The following OTOGL variants were observed in gnomAD, a reference collection of about 807,000 sequenced individuals.
OTOGL encodes the protein otogelin like.
Under a neutral mutation model 318.5 loss-of-function variants are expected in OTOGL, and 285 were observed. That is an observed-to-expected ratio of 0.89 (90% CI 0.81 to 0.99). The LOEUF is 0.99. Ranked by LOEUF, OTOGL falls within the 50% of genes least tolerant of loss-of-function variation. The pLI is 0.00. For missense variants in OTOGL, 2,899 were observed against 2,845.6 expected, an observed-to-expected ratio of 1.02 and a Z score of -0.43; for synonymous variants, 987 against 936.5, an observed-to-expected ratio of 1.05 and a Z score of -0.99.
chr12:80,237,740 C>T (rs141309720), intron 9 of OTOGL, among the ~76,000 whole-genome samples: 1 of 152,286 alleles, frequency 6.6e-6, no homozygotes, highest in African/African-American at 2.4e-5. Flanking sequence ...AGCATTCTTA[C>T]AGATAATAAA....
At chr12:80,255,659 A>C (rs902789848) in intron 16 of OTOGL, among the ~76,000 whole-genome samples, 1 of 151,940 alleles carries the variant, frequency 6.6e-6, no homozygotes, top group Non-Finnish European at 1.5e-5. Flanking sequence ...TGAATTTCTT[A>C]ACATATTGGA....
chr12:80,217,665 G>A lies in OTOGL; in HGVS notation c.235+1G>A. 1 of 1,523,666 alleles carries A rather than the reference G, an allele frequency of 6.6e-7. No individual in the cohort carries two copies. Among genetic ancestry groups the A allele is most frequent in the Non-Finnish European group, 8.9e-7 (1 of 1,123,672 alleles). 94.4% of individuals were successfully genotyped at this position (1,523,666 alleles called of 1,614,324 possible). A position where few individuals can be genotyped will look rare whatever the true frequency, so the allele number is the denominator to read the frequency against. ...AATTGGGGTGAGAGCAAAATAAAAG[G>A]TCAGTGTTTATACTTAGGTTTTCAT... On this transcript the variant is annotated splice_donor_variant, in intron 5 of 58. Coordinates refer to ENST00000547103, the MANE Select transcript of OTOGL (RefSeq NM_001378609.3). LOFTEE classifies it high-confidence loss of function.
At chr12:80,265,284 AT>A (rs377037860) in intron 20 of OTOGL, 74 bp downstream of exon 20, 45 of 1,364,112 alleles carry the variant, frequency 3.3e-5, no homozygotes, top group Non-Finnish European at 4.6e-5. Context: ...GACTGCTTTT[AT>A]TTTTTAAATG....
chr12:80,356,953 G>T, intron 49 of OTOGL, 39 bp downstream of exon 49: 1 of 1,301,888 alleles, frequency 7.7e-7, no homozygotes, highest in Non-Finnish European at 1.0e-6. Flanking sequence ...AGAAGAGAAA[G>T]GATCTAGGAA....
chr12:80,305,664 G>A lies in OTOGL; in HGVS notation c.3302G>A (p.Arg1101Gln), dbSNP rs766285122. 7.6e-6 allele frequency: 12 copies of A among 1,573,654 alleles called. No homozygotes were observed. In the African/African-American group the frequency reaches 8.1e-5, roughly 11 times the overall value. Reference sequence around the variant, plus strand: ...AATAACTTGGAAGTGAGAAATGCTCGGGTATTTGGAGATAGTTGGGCATTA... The same window carrying A: ...AATAACTTGGAAGTGAGAAATGCTCAGGTATTTGGAGATAGTTGGGCATTA... Reference protein sequence around the residue: ...TSNNLEVRNARVFGDSWALGQ... With the variant: ...TSNNLEVRNAQVFGDSWALGQ... The change falls in exon 29 of 59, where the codon CGG becomes CAG. Residue 1101 changes from arginine to glutamine, a missense_variant. By Grantham distance (43) the Arg-to-Gln change is conservative. Coordinates refer to ENST00000547103, the MANE Select transcript of OTOGL (RefSeq NM_001378609.3).
chr12:80,148,858 C>A (rs1010862287), intron 1 of OTOGL, among the ~76,000 whole-genome samples: 3 of 152,214 alleles, frequency 2.0e-5, no homozygotes, highest in African/African-American at 7.2e-5. Context: ...GCTCCTGAGG[C>A]TTCTGCATTC....
intron 55 of OTOGL, among the ~76,000 whole-genome samples, chr12:80,369,926 A>T (rs1312567841): frequency 6.6e-6 from 1 of 152,100 alleles, no homozygotes; most frequent in Non-Finnish European, 1.5e-5. Context: ...ATAAAATAAA[A>T]ATATAGATTA....
intron 57 of OTOGL, among the ~76,000 whole-genome samples, chr12:80,374,066 G>T (rs916742361): frequency 3.3e-5 from 5 of 152,144 alleles, no homozygotes; most frequent in African/African-American, 1.2e-4. Context: ...AGTTTGCAGG[G>T]CTGCTGTAAC....
chr12:80,341,205 A>G (rs530626145), intron 43 of OTOGL, among the ~76,000 whole-genome samples: 1 of 152,230 alleles, frequency 6.6e-6, no homozygotes, highest in African/African-American at 2.4e-5. Context: ...GGTGAAGAGT[A>G]AGCTCATCCT....
chr12:80,354,702 G>T (rs1032125873), intron 46 of OTOGL, among the ~76,000 whole-genome samples: 1 of 152,276 alleles, frequency 6.6e-6, no homozygotes, highest in South Asian at 2.1e-4. Flanking sequence ...ATCTGTGGAA[G>T]ACTTTGAGAA....
chr12:80,223,266 TATATATGTATATATATATGGC>T (rs766712304), intron 7 of OTOGL, among the ~76,000 whole-genome samples: 4 of 152,026 alleles, frequency 2.6e-5, no homozygotes, highest in Non-Finnish European at 5.9e-5. Context: ...TGTGTATGTA[TATATATGTATATATATATGGC>T]ATATATGTAT....
At chr12:80,347,646 G>C (rs962906816) in intron 44 of OTOGL, among the ~76,000 whole-genome samples, 1 of 152,096 alleles carries the variant, frequency 6.6e-6, no homozygotes, top group Non-Finnish European at 1.5e-5. Flanking sequence ...CCAGTAATGG[G>C]ATTGCTGGGT....
At chr12:80,366,531 A>ATAT (rs60847056) in intron 52 of OTOGL, 43 bp from the exon 53 acceptor site, 47 of 360,494 alleles carry the variant, frequency 1.3e-4, no homozygotes, top group South Asian at 2.2e-4. Flanking sequence ...ATATATATAT[A>ATAT]AAATAAGCTA....
At chr12:80,356,083 G>C in intron 47 of OTOGL, 135 bp downstream of exon 47, 1 of 997,396 alleles carries the variant, frequency 1.0e-6, no homozygotes. Context: ...AGCAAGTTTT[G>C]TTTCATTACA....
At chr12:80,242,216 T>A (rs1344562949) in intron 11 of OTOGL, among the ~76,000 whole-genome samples, 1 of 152,186 alleles carries the variant, frequency 6.6e-6, no homozygotes, top group Non-Finnish European at 1.5e-5. Flanking sequence ...TTTTGTCTTT[T>A]GAAATGTTGA....
intron 35 of OTOGL, 147 bp from the exon 36 acceptor site, chr12:80,328,518 C>T: frequency 1.6e-6 from 1 of 621,982 alleles, no homozygotes; most frequent in Non-Finnish European, 2.8e-6. Context: ...AACGAAGTAG[C>T]AGATGGAGCA....
intron 23 of OTOGL, 42 bp from the exon 24 acceptor site, chr12:80,271,606 G>T: frequency 6.3e-7 from 1 of 1,579,182 alleles, no homozygotes; most frequent in South Asian, 1.2e-5. Context: ...CCCATGCCAT[G>T]ACAAAAAGTT....
In OTOGL at chr12:80,255,149, A is replaced by G; in HGVS notation, c.1551A>G (p.Lys517=). The part of the protein sequence containing the change: ...YILVKGTGKD[K]FTITLQKAPC... ...TCGTGAAAGGAACTGGAAAAGATAA[A>G]TTCACGATTACTTTACAGAAAGCTC... Residue 517 remains lysine (K), a synonymous_variant, in exon 16 of 59, where the codon AAA becomes AAG. Transcript: ENST00000547103. The G allele has an allele frequency of 6.6e-7, 1 of 1,525,232 alleles. No individual in the cohort carries two copies. 94.5% of individuals were successfully genotyped at this position (1,525,232 alleles called of 1,614,324 possible). A position where few individuals can be genotyped will look rare whatever the true frequency, so the allele number is the denominator to read the frequency against.
chr12:80,368,407 C>G, intron 55 of OTOGL, 98 bp downstream of exon 55: 1 of 711,562 alleles, frequency 1.4e-6, no homozygotes, highest in Non-Finnish European at 2.4e-6. Flanking sequence ...CACTGCACTG[C>G]ATACAATAAA....
Sources: gnomAD v4.1 joint callset for allele counts (sites outside exome capture counted in the v4.1 genomes callset) on GRCh38, gnomAD v4.1.1 for gene constraint, MANE v1.5 for transcripts, NCBI Gene and HGNC (gene_info 2026-07-23, HGNC 2026-07-21) for gene names.